The following SSBP2 variants were observed in gnomAD, a reference collection of about 807,000 sequenced individuals.
SSBP2 encodes single stranded DNA binding protein 2.
A neutral mutation model predicts 61.8 loss-of-function variants in SSBP2; 17 were observed. The ratio of observed to expected loss-of-function variants is 0.28; its 90% confidence interval spans 0.19 to 0.41. The LOEUF (loss-of-function observed/expected upper bound fraction) is 0.41. Among genes scored for constraint, SSBP2 ranks in the 10% least tolerant of loss-of-function variants. The pLI is 1.00. For missense variants in SSBP2, 310 were observed against 458.7 expected, an observed-to-expected ratio of 0.68 and a Z score of 2.96; for synonymous variants, 139 against 141.3, an observed-to-expected ratio of 0.98 and a Z score of 0.12.
intron 2 of SSBP2, among the ~76,000 whole-genome samples, chr5:81,648,457 G>T (rs1407936565): frequency 1.5e-4 from 23 of 152,002 alleles, no homozygotes; most frequent in Admixed American, 1.5e-3. Flanking sequence ...ACATATACTA[G>T]TTAATTAGAA....
chr5:81,516,638 A>C (rs1342386295), intron 4 of SSBP2, among the ~76,000 whole-genome samples: 3 of 152,054 alleles, frequency 2.0e-5, no homozygotes, highest in Non-Finnish European at 2.9e-5. Flanking sequence ...TTGGTACCCT[A>C]TGCTGATCAT....
chr5:81,727,991 G>A (rs1001567492), intron 1 of SSBP2, among the ~76,000 whole-genome samples: 3 of 152,160 alleles, frequency 2.0e-5, no homozygotes, highest in Admixed American at 6.5e-5. Flanking sequence ...TGGGGAAAGG[G>A]AACACTGTCC....
At chr5:81,611,433 T>C (rs1470262172) in intron 4 of SSBP2, among the ~76,000 whole-genome samples, 1 of 152,198 alleles carries the variant, frequency 6.6e-6, no homozygotes, top group East Asian at 1.9e-4. Flanking sequence ...CTAAGGTATT[T>C]AGATACACTT....
intron 4 of SSBP2, among the ~76,000 whole-genome samples, chr5:81,539,413 C>T (rs1421103325): frequency 6.6e-6 from 1 of 152,092 alleles, no homozygotes; most frequent in Non-Finnish European, 1.5e-5. Context: ...ACTGCTGAAA[C>T]GATTACAAAA....
chr5:81,606,035 G>C (rs1239422757), intron 4 of SSBP2, among the ~76,000 whole-genome samples: 2 of 152,140 alleles, frequency 1.3e-5, no homozygotes, highest in Non-Finnish European at 2.9e-5. Context: ...TTCTGGAAAT[G>C]AGCATCTCTC....
intron 10 of SSBP2, among the ~76,000 whole-genome samples, chr5:81,449,806 C>T (rs564594104): frequency 4.6e-5 from 7 of 152,234 alleles, no homozygotes; most frequent in East Asian, 3.9e-4. Context: ...CTTTGCCTTA[C>T]GCACACAACA....
intron 4 of SSBP2, among the ~76,000 whole-genome samples, chr5:81,581,192 C>A (rs1373878750): frequency 1.3e-5 from 2 of 152,074 alleles, no homozygotes; most frequent in Non-Finnish European, 2.9e-5. Flanking sequence ...GAACAGTGGG[C>A]AAGGTATGCT....
rs546266697 is a variant in SSBP2, at chr5:81,427,506, A to C, written c.1056+1079T>G. Among the ~76,000 whole-genome samples the C allele has an allele frequency of 4.8e-4, 73 of 152,274 alleles. 1 individual carries two copies. Among genetic ancestry groups the C allele is most frequent in the Admixed American group, 1.2e-3 (19 of 15,296 alleles). On this transcript the variant is annotated intron_variant, in intron 16 of 16. Transcript: ENST00000320672. ...AACTACAAGAATCCACAGAGCACTCAATCTTGTATTCTGTTTTGGGAATGG... is the reference window on the plus strand; with the variant it reads ...AACTACAAGAATCCACAGAGCACTCCATCTTGTATTCTGTTTTGGGAATGG...
intron 5 of SSBP2, among the ~76,000 whole-genome samples, chr5:81,501,852 T>C (rs1000399494): frequency 7.9e-5 from 12 of 152,094 alleles, no homozygotes; most frequent in African/African-American, 1.4e-4. Flanking sequence ...CGTGAGCCAC[T>C]GCGCCCTGCC....
At chr5:81,704,256 C>T (rs1015865801) in intron 1 of SSBP2, among the ~76,000 whole-genome samples, 6 of 152,124 alleles carry the variant, frequency 3.9e-5, no homozygotes, top group Admixed American at 6.5e-5. Flanking sequence ...ACTTCACTAA[C>T]GAATATAAAA....
At chr5:81,657,905 T>C (rs1313075501) in intron 1 of SSBP2, among the ~76,000 whole-genome samples, 30 of 152,208 alleles carry the variant, frequency 2.0e-4, no homozygotes, top group Admixed American at 1.8e-3. Context: ...CTTTATTTTT[T>C]AATTGATAAA....
chr5:81,749,534 T>C (rs957795114), intron 1 of SSBP2, among the ~76,000 whole-genome samples: 1 of 152,200 alleles, frequency 6.6e-6, no homozygotes. Flanking sequence ...CCAAAGTACC[T>C]TTGAGAGATG....
chr5:81,636,479 T>A, intron 3 of SSBP2, 78 bp downstream of exon 3: 1 of 1,114,590 alleles, frequency 9.0e-7, no homozygotes, highest in Non-Finnish European at 1.2e-6. Flanking sequence ...AAAGGAAGCA[T>A]GAAATCATAA....
At chr5:81,442,509 A>T in intron 13 of SSBP2, 144 bp downstream of exon 13, 2 of 531,710 alleles carry the variant, frequency 3.8e-6, no homozygotes. Context: ...AACCCAGCTC[A>T]GAGAAAAGAA....
intron 1 of SSBP2, among the ~76,000 whole-genome samples, chr5:81,667,120 C>T (rs1581293460): frequency 6.6e-6 from 1 of 152,084 alleles, no homozygotes; most frequent in Non-Finnish European, 1.5e-5. Context: ...TAGGTGGAGT[C>T]CTATCATCAT....
In SSBP2 at chr5:81,705,116, ATTAT is replaced by A. The variant is rs1754274576; in HGVS notation, c.62+45861_62+45864del. Among the ~76,000 whole-genome samples the A allele has an allele frequency of 3.3e-5, 5 of 152,120 alleles. No individual in the cohort carries two copies. In the South Asian group the frequency reaches 1.0e-3, roughly 31 times the overall value. The stretch of plus-strand genomic sequence containing the variant: ...TATAATATACAACAAATCTGAATAT[ATTAT>A]TTACTCATCCACTTACCCACCCATT... On this transcript the variant is annotated intron_variant, in intron 1 of 16. Transcript: ENST00000320672.
At chr5:81,648,274 T>C (rs1328241285) in intron 2 of SSBP2, among the ~76,000 whole-genome samples, 2 of 152,166 alleles carry the variant, frequency 1.3e-5, no homozygotes, top group Admixed American at 1.3e-4. Flanking sequence ...GTCTTCTAAC[T>C]AATGATTTCA....
chr5:81,426,748 C>A (rs1234388848), intron 16 of SSBP2, among the ~76,000 whole-genome samples: 1 of 152,180 alleles, frequency 6.6e-6, no homozygotes, highest in African/African-American at 2.4e-5. Context: ...TGAATTGGTA[C>A]CCCTCTTCCA....
intron 5 of SSBP2, among the ~76,000 whole-genome samples, chr5:81,499,304 G>C (rs1441497206): frequency 6.6e-6 from 1 of 152,188 alleles, no homozygotes; most frequent in Non-Finnish European, 1.5e-5. Context: ...CAATAGAGCA[G>C]AGTTACAAAC....
Sources: gnomAD v4.1 joint callset for allele counts (sites outside exome capture counted in the v4.1 genomes callset) on GRCh38, gnomAD v4.1.1 for gene constraint, MANE v1.5 for transcripts, NCBI Gene and HGNC (gene_info 2026-07-23, HGNC 2026-07-21) for gene names.